CUL1: variants seen among roughly 807,000 people sequenced by gnomAD.
CUL1 encodes cullin 1, also known as cullin-1.
CUL1 carries 24 observed loss-of-function variants against 118.0 expected under a neutral mutation model. That is an observed-to-expected ratio of 0.20 (90% CI 0.15 to 0.29). The LOEUF is 0.29. Ranked by LOEUF, CUL1 falls within the 10% of genes least tolerant of loss-of-function variation. CUL1 has a pLI of 1.00. For missense variants in CUL1, 361 were observed against 933.8 expected (o/e 0.39, Z 7.99); for synonymous variants, 332 against 340.4 (o/e 0.98, Z 0.27).
At chr7:148,784,488 A>G (rs1357135060) in intron 11 of CUL1, among the ~76,000 whole-genome samples, 1 of 152,156 alleles carries the variant, frequency 6.6e-6, no homozygotes, top group Admixed American at 6.5e-5. Context: ...TTATTTCTCA[A>G]TTGATGTTTT....
chr7:148,781,853 C>G (rs1800649912), intron 9 of CUL1, among the ~76,000 whole-genome samples: 1 of 152,008 alleles, frequency 6.6e-6, no homozygotes, highest in Admixed American at 6.6e-5. Flanking sequence ...GTCATTCTTG[C>G]AAATAAAATA....
intron 2 of CUL1, 108 bp from the exon 3 acceptor site, chr7:148,753,862 AGGTTTT>A: frequency 1.4e-6 from 1 of 733,078 alleles, no homozygotes; most frequent in Non-Finnish European, 2.1e-6. Context: ...AGTTTTTAAC[AGGTTTT>A]GGTTGATATA....
intron 1 of CUL1, among the ~76,000 whole-genome samples, chr7:148,704,344 A>G (rs538653744): frequency 5.7e-4 from 87 of 152,310 alleles, no homozygotes; most frequent in African/African-American, 2.0e-3. Context: ...GTATGGAGAA[A>G]TGAGCTCACT....
intron 2 of CUL1, among the ~76,000 whole-genome samples, chr7:148,740,368 G>A (rs1799103546): frequency 6.6e-6 from 1 of 152,046 alleles, no homozygotes; most frequent in Non-Finnish European, 1.5e-5. Flanking sequence ...ATGGCTCTGA[G>A]ATCTAATTCA....
rs547324795 is a variant in CUL1 at position 148,795,799 on chromosome 7, A to G, written c.1900-2013A>G. 2.5e-3 allele frequency among the ~76,000 whole-genome samples: 380 copies of G among 151,778 alleles called. 1 individual carries two copies. The highest frequency in any genetic ancestry group is 2.5e-3 in the Non-Finnish European group (172 of 67,910). The stretch of plus-strand genomic sequence containing the variant: ...AAAAAAAAAAAAAAAGGTACAACTA[A>G]TTATTGTATTTTGATTCTGTTTCCT... On this transcript the variant is annotated intron_variant, in intron 17 of 21. Coordinates refer to ENST00000325222, the MANE Select transcript of CUL1 (RefSeq NM_003592.3).
chr7:148,772,828 G>T lies in CUL1; in HGVS notation c.1083+5079G>T, dbSNP rs188914223. Among the ~76,000 whole-genome samples, 376 of 152,096 alleles carry T rather than the reference G, an allele frequency of 2.5e-3. 2 individuals are homozygous for T. Among genetic ancestry groups the T allele is most frequent in the African/African-American group, 8.5e-3 (354 of 41,506 alleles). The stretch of plus-strand genomic sequence containing the variant: ...GTAATCTAATAGGGTATAATTTCCT[G>T]CAGGGTCTGGACGTAGCCTCAGAAT... On this transcript the variant is annotated intron_variant, in intron 9 of 21. Transcript: ENST00000325222.
In CUL1 at chr7:148,785,504, G is replaced by A. The variant is rs374846519; in HGVS notation, c.1299-1047G>A. Among the ~76,000 whole-genome samples, 81 of 151,280 alleles carry A rather than the reference G, an allele frequency of 5.4e-4. 1 individual carries two copies. Among genetic ancestry groups the A allele is most frequent in the African/African-American group, 1.7e-3 (71 of 41,244 alleles). On this transcript the variant is annotated intron_variant, in intron 11 of 21. Coordinates refer to ENST00000325222, the MANE Select transcript of CUL1 (RefSeq NM_003592.3). ...CTCCTGAGCAGCTGGGACTACAGGC[G>A]TGCCACCACACCCGGCTAATTTTTT... is the stretch of plus-strand genomic sequence containing the variant.
At chr7:148,755,959 C>A (rs1325240537) in intron 3 of CUL1, among the ~76,000 whole-genome samples, 1 of 152,196 alleles carries the variant, frequency 6.6e-6, no homozygotes, top group Non-Finnish European at 1.5e-5. Flanking sequence ...GCCCTCCTGC[C>A]CCCACCTTCC....
intron 13 of CUL1, among the ~76,000 whole-genome samples, chr7:148,788,098 G>T (rs1420063408): frequency 1.3e-5 from 2 of 152,156 alleles, no homozygotes; most frequent in African/African-American, 4.8e-5. Context: ...GAGAGAGAGT[G>T]CAGAGCTCTT....
In CUL1 at chr7:148,787,627, C is replaced by T. The variant is rs10952778; in HGVS notation, c.1479+507C>T. Among the ~76,000 whole-genome samples, 12,766 of 152,184 alleles carry T rather than the reference C, an allele frequency of 0.084. 670 individuals carry two copies. The highest frequency in any genetic ancestry group is 0.14 in the African/African-American group (5,644 of 41,510). On this transcript the variant is annotated intron_variant, in intron 13 of 21. Transcript: ENST00000325222. The surrounding 1 kb of genome is among the most constrained non-coding windows in gnomAD (Gnocchi z 5.5). The stretch of plus-strand genomic sequence containing the variant: ...TGCCTTCCCAACCCCTTCCCCACCC[C>T]ACTGTGGGGCTTCCATCCTACCCAG...
At chr7:148,755,830 T>TA (rs1799637104) in intron 3 of CUL1, among the ~76,000 whole-genome samples, 1 of 152,246 alleles carries the variant, frequency 6.6e-6, no homozygotes, top group African/African-American at 2.4e-5. Context: ...TTACATGGCT[T>TA]GTTTGGTCAC....
intron 1 of CUL1, among the ~76,000 whole-genome samples, chr7:148,699,947 C>G (rs1028630388): frequency 6.6e-6 from 1 of 152,112 alleles, no homozygotes; most frequent in Non-Finnish European, 1.5e-5. Context: ...ACCCCCGTTT[C>G]TGCCACCCGT....
intron 1 of CUL1, among the ~76,000 whole-genome samples, chr7:148,719,152 A>G (rs1584764704): frequency 6.6e-6 from 1 of 152,164 alleles, no homozygotes; most frequent in Admixed American, 6.5e-5. Flanking sequence ...TCTACTAAAA[A>G]TACAAAAAAT....
chr7:148,787,108 C>A lies in CUL1; in HGVS notation c.1467C>A (p.Ile489=), dbSNP rs1292320502. The change falls in exon 13 of 22, where the codon ATC becomes ATA. Residue 489 remains isoleucine (I), a synonymous_variant. Coordinates refer to ENST00000325222, the MANE Select transcript of CUL1 (RefSeq NM_003592.3). This position sits in a 1 kb window ranked among gnomAD's most constrained non-coding sequence, Gnocchi z 5.5. ...SASDDAEASM[I]SKLKQACGFE... ...GTGACGATGCCGAAGCCAGCATGAT[C>A]TCCAAGTTAAAGGTGAGTTTCATCT... The A allele has an allele frequency of 6.2e-7, 1 of 1,613,516 alleles. No individual in the cohort carries two copies. Among genetic ancestry groups the A allele is most frequent in the African/African-American group, 1.3e-5 (1 of 74,896 alleles).
At chr7:148,777,503 C>T (rs953015987) in intron 9 of CUL1, among the ~76,000 whole-genome samples, 3 of 152,198 alleles carry the variant, frequency 2.0e-5, no homozygotes, top group African/African-American at 7.2e-5. Context: ...TATTATTAGT[C>T]ATGTGAGTCC....
At chr7:148,797,258 C>T (rs66829769) in intron 17 of CUL1, among the ~76,000 whole-genome samples, 11,397 of 152,130 alleles carry the variant, frequency 0.075, 502 homozygotes, top group African/African-American at 0.1. Flanking sequence ...GATGAGCTGT[C>T]AGGCACTTAA....
intron 9 of CUL1, among the ~76,000 whole-genome samples, chr7:148,779,599 T>A (rs1459785297): frequency 6.6e-6 from 1 of 152,136 alleles, no homozygotes; most frequent in Non-Finnish European, 1.5e-5. Flanking sequence ...GAAAGCTGTA[T>A]TGATGATATT....
chr7:148,727,032 C>G (rs1162362608), intron 1 of CUL1, among the ~76,000 whole-genome samples: 1 of 151,984 alleles, frequency 6.6e-6, no homozygotes, highest in African/African-American at 2.4e-5. Context: ...AATAAATAAG[C>G]ATGCTTTATT....
rs183247571 is a variant in CUL1 at position 148,730,278 on chromosome 7, G to A, written c.140+16G>A. Reference sequence around the variant, plus strand: ...AGCTCTACACGTATCCTCCTGCCTAGCGCAGGTTGATTGCTTAGAGTTTTG... The same window carrying A: ...AGCTCTACACGTATCCTCCTGCCTAACGCAGGTTGATTGCTTAGAGTTTTG... On this transcript the variant is annotated intron_variant, in intron 2 of 21. Transcript: ENST00000325222. The A allele has an allele frequency of 9.4e-6, 15 of 1,591,204 alleles. No individual in the cohort carries two copies. Among genetic ancestry groups the A allele is most frequent in the East Asian group, 6.8e-5 (3 of 44,402 alleles).
Sources: allele counts gnomAD v4.1 joint callset (sites outside exome capture counted in the v4.1 genomes callset), GRCh38; gene constraint gnomAD v4.1.1; non-coding constraint Gnocchi (gnomAD v3.1); transcripts MANE v1.5; gene names NCBI Gene and HGNC (gene_info 2026-07-23, HGNC 2026-07-21).